PXDNL: variants seen among roughly 807,000 people sequenced by gnomAD.
PXDNL encodes peroxidasin like.
Under a neutral mutation model 150.8 loss-of-function variants are expected in PXDNL, and 145 were observed. The ratio of observed to expected loss-of-function variants is 0.96; its 90% CI spans 0.84 to 1.10. The LOEUF is 1.10. Among genes scored for constraint, PXDNL ranks in the 50% least tolerant of loss-of-function variants. The pLI, the probability that PXDNL is intolerant of heterozygous loss-of-function variation, is 0.00. For missense variants in PXDNL, 2,087 were observed against 1,873.9 expected (o/e 1.11, Z -2.10); for synonymous variants, 757 against 725.7 (o/e 1.04, Z -0.69).
At chr8:51,445,342 G>T (rs1226651533) in intron 12 of PXDNL, among the ~76,000 whole-genome samples, 1 of 152,114 alleles carries the variant, frequency 6.6e-6, no homozygotes, top group African/African-American at 2.4e-5. Flanking sequence ...CCTTCCATAT[G>T]GCTCTCACCT....
intron 4 of PXDNL, among the ~76,000 whole-genome samples, chr8:51,527,475 T>C (rs1811793808): frequency 6.6e-6 from 1 of 152,216 alleles, no homozygotes; most frequent in Non-Finnish European, 1.5e-5. Flanking sequence ...TTGTGGCATT[T>C]CATGGTTGCC....
At chr8:51,466,605 A>T (rs1810210098) in intron 8 of PXDNL, among the ~76,000 whole-genome samples, 2 of 152,134 alleles carry the variant, frequency 1.3e-5, no homozygotes, top group African/African-American at 4.8e-5. Context: ...GAATAAATAG[A>T]CAACTTACAG....
rs1275000216 is a variant in PXDNL, at chr8:51,524,294, C to G, written c.381-24524G>C. The stretch of plus-strand genomic sequence containing the variant: ...AACTTCAAAGCACATAATAGGTATA[C>G]AATAAATAGTAGATCTTATTAAATT... On this transcript the variant is annotated intron_variant, in intron 4 of 22. Transcript: ENST00000356297. 2.0e-5 allele frequency among the ~76,000 whole-genome samples: 3 copies of G among 152,058 alleles called. No individual in the cohort carries two copies. In the South Asian group the frequency reaches 6.2e-4, roughly 32 times the overall value.
intron 19 of PXDNL, among the ~76,000 whole-genome samples, chr8:51,365,183 C>T (rs544534193): frequency 5.5e-4 from 84 of 152,154 alleles, no homozygotes; most frequent in Non-Finnish European, 1.1e-3. Context: ...AGTGATCTGC[C>T]CACCTCGGCC....
chr8:51,653,714 T>C (rs547619655), intron 2 of PXDNL, among the ~76,000 whole-genome samples: 1 of 152,336 alleles, frequency 6.6e-6, no homozygotes, highest in South Asian at 2.1e-4. Flanking sequence ...AAGTGTAAAG[T>C]TATGATCTCA....
chr8:51,655,303 G>T (rs1815127734), intron 1 of PXDNL, among the ~76,000 whole-genome samples: 1 of 152,182 alleles, frequency 6.6e-6, no homozygotes, highest in African/African-American at 2.4e-5. Context: ...TCTCTTTCAT[G>T]AGTCCACATC....
intron 11 of PXDNL, 126 bp from the exon 12 acceptor site, chr8:51,447,288 T>A: frequency 2.2e-6 from 2 of 900,978 alleles, no homozygotes; most frequent in Non-Finnish European, 3.2e-6. Flanking sequence ...GTGTACTGTG[T>A]GCGTTGTGCC....
intron 1 of PXDNL, among the ~76,000 whole-genome samples, chr8:51,777,191 C>T (rs544035109): frequency 1.3e-5 from 2 of 152,290 alleles, no homozygotes; most frequent in African/African-American, 4.8e-5. Flanking sequence ...GGTGGGAATA[C>T]GAGTTCCAAT....
Position 51,531,811 on chromosome 8 carries a change from A to G in PXDNL, c.380+25029T>C, listed in dbSNP as rs567227057. 4.6e-5 allele frequency among the ~76,000 whole-genome samples: 7 copies of G among 152,380 alleles called. No individual in the cohort carries two copies. The East Asian group carries it at 1.4e-3, about 29-fold the overall frequency. The stretch of plus-strand genomic sequence containing the variant: ...ATTCAAAGAAAGGATGTGGATTGTC[A>G]TCACACACCACAGTAGACAACACAC... On this transcript the variant is annotated intron_variant, in intron 4 of 22. Transcript: ENST00000356297.
Position 51,408,371 on chromosome 8 carries a change from G to A in PXDNL, c.3253C>T (p.Leu1085Phe), listed in dbSNP as rs781169573. The A allele has an allele frequency of 2.5e-6, 4 of 1,613,942 alleles. No homozygotes were observed. In the African/African-American group the frequency reaches 4.0e-5, roughly 16 times the overall value. The change falls in exon 17 of 23, where the codon CTC becomes TTC. Residue 1085 changes from leucine to phenylalanine, a missense_variant. Physicochemically the swap from Leu to Phe is conservative, Grantham distance 22 (BLOSUM62 0). Transcript: ENST00000356297. ...TTGATTATTCTGGACGGTGAAAAGA[G>A]CGCTTTATGGAACGGAAGGTGGCCT... ...SEGHLPFHKA[L>F]FSPSRIIKEG...
At chr8:51,532,052 T>G (rs1477038705) in intron 4 of PXDNL, among the ~76,000 whole-genome samples, 1 of 151,410 alleles carries the variant, frequency 6.6e-6, no homozygotes, top group Non-Finnish European at 1.5e-5. Flanking sequence ...TAGATCAAGA[T>G]TATAAATTGA....
At chr8:51,361,496 T>C (rs539053855) in intron 19 of PXDNL, among the ~76,000 whole-genome samples, 2 of 152,296 alleles carry the variant, frequency 1.3e-5, no homozygotes, top group East Asian at 3.9e-4. Flanking sequence ...CCTTAGTTTC[T>C]AAAGAACTGA....
At chr8:51,700,369 A>T (rs1159856503) in intron 1 of PXDNL, among the ~76,000 whole-genome samples, 1 of 152,024 alleles carries the variant, frequency 6.6e-6, no homozygotes, top group Non-Finnish European at 1.5e-5. Flanking sequence ...AAGTATATGC[A>T]CATGTATAGA....
chr8:51,738,827 C>T (rs529299243), intron 1 of PXDNL, among the ~76,000 whole-genome samples: 337 of 152,164 alleles, frequency 2.2e-3, no homozygotes, highest in African/African-American at 7.8e-3. Context: ...AGAATAACAC[C>T]TACATTACAC....
At chr8:51,761,181 C>T (rs1047367065) in intron 1 of PXDNL, among the ~76,000 whole-genome samples, 4 of 151,732 alleles carry the variant, frequency 2.6e-5, no homozygotes, top group African/African-American at 9.7e-5. Context: ...CCTGAAATCA[C>T]TTAAACTGTT....
At chr8:51,721,950 A>T (rs896906527) in intron 1 of PXDNL, 3 of 242,502 alleles carry the variant, frequency 1.2e-5, no homozygotes, top group Non-Finnish European at 2.5e-5. Context: ...GCTAAAGTGG[A>T]TTGCTGTTCA....
At chr8:51,557,432 A>C (rs1030365401) in intron 3 of PXDNL, among the ~76,000 whole-genome samples, 1 of 152,100 alleles carries the variant, frequency 6.6e-6, no homozygotes, top group Non-Finnish European at 1.5e-5. Context: ...GATACAACTA[A>C]TCTTTACCAA....
intron 15 of PXDNL, among the ~76,000 whole-genome samples, chr8:51,412,789 A>G (rs901806261): frequency 6.6e-6 from 1 of 152,206 alleles, no homozygotes; most frequent in South Asian, 2.1e-4. Context: ...GTAGGCTCCC[A>G]GTTTATACCA....
At chr8:51,639,220 A>G (rs1209045721) in intron 2 of PXDNL, among the ~76,000 whole-genome samples, 4 of 152,244 alleles carry the variant, frequency 2.6e-5, no homozygotes, top group Non-Finnish European at 4.4e-5. Flanking sequence ...AGGGAAATTT[A>G]TAGCACTAAA....
Sources: allele counts gnomAD v4.1 joint callset (sites outside exome capture counted in the v4.1 genomes callset), GRCh38; gene constraint gnomAD v4.1.1; transcripts MANE v1.5; gene names NCBI Gene and HGNC (gene_info 2026-07-23, HGNC 2026-07-21).